Variants in MRPL32 observed in about 807,000 individuals in gnomAD.
MRPL32 encodes large ribosomal subunit protein bL32m.
Under a neutral mutation model 21.7 loss-of-function variants are expected in MRPL32, and 14 were observed. The observed-to-expected ratio is 0.64, with a 90% CI of 0.43 to 1.01. MRPL32 has a LOEUF of 1.01. MRPL32 is among the 50% of genes least tolerant of loss of function. The probability of loss-of-function intolerance (pLI) is 0.00; values close to 1 mark genes in which losing one functional copy is unlikely to be tolerated. For missense variants in MRPL32, 211 were observed against 235.9 expected, an observed-to-expected ratio of 0.89 and a Z score of 0.69; for synonymous variants, 83 against 87.7, an observed-to-expected ratio of 0.95 and a Z score of 0.30.
At position 42,937,503 on chromosome 7, in the gene MRPL32, C is replaced by T. The variant is rs549081927; in HGVS notation, c.494C>T (p.Pro165Leu). ...GTGGTGCTGTACACGGGAGAGACAC[C>T]GTCTGAACAAGATCAGGGCAAGAGG... ...ETVVLYTGET[P>L]SEQDQGKRII... Residue 165 changes from proline (P) to leucine (L), a missense_variant, in exon 3 of 3, where the codon CCG becomes CTG. This residue lies in a region of MRPL32 where 130 missense variants were observed against 180.1 expected (regional missense o/e 0.72). Transcript: ENST00000223324. 189 of 1,613,998 alleles carry T rather than the reference C, an allele frequency of 1.2e-4. 1 individual carries two copies. The Middle Eastern group carries it at 1.8e-3, about 16-fold the overall frequency.
In MRPL32 at chr7:42,932,488, C is replaced by T. The variant is rs1379011326; in HGVS notation, c.102C>T (p.Ser34=). The T allele has an allele frequency of 6.2e-7, 1 of 1,608,794 alleles. No homozygotes were observed. The highest frequency in any genetic ancestry group is 1.7e-5 in the Admixed American group (1 of 59,852). The change falls in exon 1 of 3, where the codon AGC becomes AGT. Residue 34 remains serine (S), a synonymous_variant. Coordinates refer to ENST00000223324, the MANE Select transcript of MRPL32 (RefSeq NM_031903.3). The part of the protein sequence containing the change: ...WERLLRKLPQ[S]RPGFPSPPWG... ...GACTGCTACGGAAGCTTCCGCAGAG[C>T]CGGCCGGGCTTTCCCAGTCCTCCGT...
rs1230812120 is a variant in MRPL32 at position 42,934,996 on chromosome 7, C to T, written c.172C>T (p.Pro58Ser). ...AVQGPAMFTE[P>S]ANDTSGSKEN... ...ACAGGGCCCAGCCATGTTTACAGAG[C>T]CAGCAAATGATACCAGTGGAAGTAA... The change falls in exon 2 of 3, where the codon CCA becomes TCA. Residue 58 changes from proline to serine, a missense_variant. Around this residue, in one of 2 missense-constraint regions of MRPL32, gnomAD observed 130 missense variants for 180.1 expected, o/e 0.72. Transcript: ENST00000223324. The T allele has an allele frequency of 6.2e-7, 1 of 1,613,246 alleles. No individual in the cohort carries two copies. The highest frequency in any genetic ancestry group is 1.1e-5 in the South Asian group (1 of 90,952).
At chr7:42,932,639 G>T in intron 1 of MRPL32, 123 bp downstream of exon 1, 2 of 1,083,734 alleles carry the variant, frequency 1.8e-6, no homozygotes, top group Non-Finnish European at 2.5e-6. Context: ...TGTCGGGGAC[G>T]TAGTTCGTGA....
Position 42,937,432 on chromosome 7 carries a change from A to G in MRPL32, c.423A>G (p.Ile141Met). 2 of 1,614,210 alleles carry G rather than the reference A, an allele frequency of 1.2e-6. No individual in the cohort carries two copies. The highest frequency in any genetic ancestry group is 2.2e-5 in the East Asian group (1 of 44,886). Residue 141 changes from isoleucine to methionine, a missense_variant, in exon 3 of 3, where the codon ATA (isoleucine) becomes ATG (methionine). Around this residue, in one of 2 missense-constraint regions of MRPL32, gnomAD observed 130 missense variants for 180.1 expected, o/e 0.72. Transcript: ENST00000223324. Reference sequence around the variant, plus strand: ...AGACTGCAGAAATCAGACGACAGATAGGGAAGCAAGAAGGGGGCCCTTTTA... The same window carrying G: ...AGACTGCAGAAATCAGACGACAGATGGGGAAGCAAGAAGGGGGCCCTTTTA... ...CKETAEIRRQ[I>M]GKQEGGPFKA... is the part of the protein sequence containing the mutation.
chr7:42,935,195 T>C, intron 2 of MRPL32, 59 bp downstream of exon 2: 4 of 1,415,594 alleles, frequency 2.8e-6, no homozygotes, highest in Non-Finnish European at 3.9e-6. Context: ...AATAAGCTCA[T>C]GGTAGATTCC....
chr7:42,933,639 A>G (rs1786370128), intron 1 of MRPL32, among the ~76,000 whole-genome samples: 1 of 152,154 alleles, frequency 6.6e-6, no homozygotes, highest in Non-Finnish European at 1.5e-5. Flanking sequence ...TGAAACTGTC[A>G]TGGCTTTGGC....
intron 1 of MRPL32, 70 bp downstream of exon 1, chr7:42,932,586 T>A: frequency 6.8e-7 from 1 of 1,473,998 alleles, no homozygotes; most frequent in Non-Finnish European, 9.1e-7. Context: ...CAGACGCAGC[T>A]TACACAGTTC....
intron 1 of MRPL32, among the ~76,000 whole-genome samples, chr7:42,934,057 T>C (rs1346791850): frequency 6.6e-6 from 1 of 152,034 alleles, no homozygotes; most frequent in African/African-American, 2.4e-5. Flanking sequence ...TCACCTAAGG[T>C]CAGGAGTTCA....
intron 1 of MRPL32, among the ~76,000 whole-genome samples, chr7:42,933,804 C>T (rs546990937): frequency 6.6e-6 from 1 of 152,314 alleles, no homozygotes; most frequent in East Asian, 1.9e-4. Flanking sequence ...GGTGTATACA[C>T]TTTCCAACTG....
intron 1 of MRPL32, among the ~76,000 whole-genome samples, chr7:42,934,539 C>T (rs1028400565): frequency 3.3e-5 from 5 of 152,102 alleles, no homozygotes; most frequent in African/African-American, 7.2e-5. Context: ...ACATCAGTGC[C>T]GGTCAGAAGT....
intron 1 of MRPL32, 81 bp downstream of exon 1, chr7:42,932,597 G>T (rs543808487): frequency 1.4e-6 from 2 of 1,427,880 alleles, no homozygotes; most frequent in East Asian, 2.5e-5. Context: ...TACACAGTTC[G>T]CCCTCAGCCC....
intron 1 of MRPL32, among the ~76,000 whole-genome samples, chr7:42,933,262 AG>A (rs1339064408): frequency 1.3e-5 from 2 of 152,054 alleles, no homozygotes. Flanking sequence ...GGCACTTTAA[AG>A]GGGGGGCCGA....
intron 1 of MRPL32, 91 bp from the exon 2 acceptor site, chr7:42,934,864 T>G (rs1786399915): frequency 1.0e-6 from 1 of 984,292 alleles, no homozygotes; most frequent in Non-Finnish European, 1.5e-6. Flanking sequence ...GTGTGTATGT[T>G]TGACCATTGA....
chr7:42,934,999 G>T lies in MRPL32; in HGVS notation c.175G>T (p.Ala59Ser). The change falls in exon 2 of 3, where the codon GCA (alanine) becomes TCA (serine). Residue 59 changes from alanine to serine, a missense_variant. Coordinates refer to ENST00000223324, the MANE Select transcript of MRPL32 (RefSeq NM_031903.3). ...GGGCCCAGCCATGTTTACAGAGCCA[G>T]CAAATGATACCAGTGGAAGTAAAGA... ...VQGPAMFTEPANDTSGSKENS... is the reference protein window; with the variant it reads ...VQGPAMFTEPSNDTSGSKENS... 6.2e-7 allele frequency: 1 copy of T among 1,613,764 alleles called. No homozygotes were observed. Among genetic ancestry groups the T allele is most frequent in the Non-Finnish European group, 8.5e-7 (1 of 1,179,892 alleles).
intron 2 of MRPL32, 88 bp from the exon 3 acceptor site, chr7:42,937,234 G>A: frequency 6.2e-7 from 1 of 1,609,348 alleles, no homozygotes; most frequent in Non-Finnish European, 8.5e-7. Flanking sequence ...TCCTAAGAAA[G>A]TTAAAATGTA....
At position 42,932,489 on chromosome 7, in the gene MRPL32, C is replaced by A. The variant is rs779489750; in HGVS notation, c.103C>A (p.Arg35=). 3 of 1,608,682 alleles carry A rather than the reference C, an allele frequency of 1.9e-6. No homozygotes were observed. The highest frequency in any genetic ancestry group is 2.6e-6 in the Non-Finnish European group (3 of 1,176,038). Residue 35 remains arginine (R), a synonymous_variant, in exon 1 of 3, where the codon CGG becomes AGG. Coordinates refer to ENST00000223324, the MANE Select transcript of MRPL32 (RefSeq NM_031903.3). The part of the protein sequence containing the change: ...ERLLRKLPQS[R]PGFPSPPWGP... ...ACTGCTACGGAAGCTTCCGCAGAGC[C>A]GGCCGGGCTTTCCCAGTCCTCCGTG...
In MRPL32 at chr7:42,935,630, G is replaced by A. The variant is rs947444485; in HGVS notation, c.312+494G>A. On this transcript the variant is annotated intron_variant, in intron 2 of 2. Transcript: ENST00000223324. ...TAATATAATAGCTAACAACAATTAA[G>A]TGTCTATGATGTATCTCAGTGCCTT... 2 of 152,554 alleles carry A rather than the reference G, an allele frequency of 1.3e-5. 1 individual carries two copies. Among genetic ancestry groups the A allele is most frequent in the South Asian group, 4.1e-4 (2 of 4,850 alleles). The allele number at this position is 152,554 out of a possible 1,614,324, so 9.5% of individuals were successfully genotyped here.
chr7:42,933,865 G>A (rs1307429073), intron 1 of MRPL32, among the ~76,000 whole-genome samples: 1 of 152,180 alleles, frequency 6.6e-6, no homozygotes, highest in Non-Finnish European at 1.5e-5. Flanking sequence ...CTGAGCCTGT[G>A]TTGTTAATCA....
chr7:42,934,952 T>C lies in MRPL32; in HGVS notation c.131-3T>C. On this transcript the variant is annotated splice_region_variant and splice_polypyrimidine_tract_variant and intron_variant, in intron 1 of 2. Coordinates refer to ENST00000223324, the MANE Select transcript of MRPL32 (RefSeq NM_031903.3). Reference sequence around the variant, plus strand: ...TCTGTATCTCTTATGTTTTATTTCCTAGGACCAGCATTAGCAGTACAGGGC... The same window carrying C: ...TCTGTATCTCTTATGTTTTATTTCCCAGGACCAGCATTAGCAGTACAGGGC... The C allele has an allele frequency of 1.3e-6, 2 of 1,558,582 alleles. No individual in the cohort carries two copies. Among genetic ancestry groups the C allele is most frequent in the Non-Finnish European group, 1.7e-6 (2 of 1,156,852 alleles).
Sources: allele counts gnomAD v4.1 joint callset (sites outside exome capture counted in the v4.1 genomes callset), GRCh38; gene constraint gnomAD v4.1.1; regional missense constraint gnomAD v4.1.1; transcripts MANE v1.5; gene names NCBI Gene and HGNC (gene_info 2026-07-23, HGNC 2026-07-21).